CCDC40: variants seen among roughly 807,000 people sequenced by gnomAD.
The protein encoded by CCDC40 is coiled-coil domain 40 molecular ruler complex subunit.
CCDC40 carries 104 observed loss-of-function variants against 124.5 expected under a neutral mutation model. That is an observed-to-expected ratio of 0.84 (90% CI 0.71 to 0.98). The LOEUF is 0.98. CCDC40 is among the 50% of genes least tolerant of loss of function. CCDC40 has a pLI of 0.00. For synonymous variants in CCDC40, 580 were observed against 602.9 expected, an observed-to-expected ratio of 0.96 and a Z score of 0.56; for missense variants, 1,463 against 1,503.9, an observed-to-expected ratio of 0.97 and a Z score of 0.45.
chr17:80,053,280 C>T (rs1049283428), intron 7 of CCDC40, among the ~76,000 whole-genome samples: 34 of 152,206 alleles, frequency 2.2e-4, no homozygotes, highest in African/African-American at 8.2e-4. Context: ...AAAAATGCTG[C>T]AGGCTTCCAG....
intron 9 of CCDC40, among the ~76,000 whole-genome samples, chr17:80,063,149 C>T (rs538663057): frequency 4.6e-5 from 7 of 151,736 alleles, no homozygotes; most frequent in Non-Finnish European, 1.0e-4. Flanking sequence ...GAGCCAAGAT[C>T]GTGCCATTTT....
intron 9 of CCDC40, among the ~76,000 whole-genome samples, chr17:80,059,505 A>C (rs1224939394): frequency 4.2e-5 from 6 of 143,160 alleles, no homozygotes; most frequent in African/African-American, 1.1e-4. Flanking sequence ...AAAAAAAAAA[A>C]AACTATGAGT....
chr17:80,082,498 C>T (rs1351136930), intron 12 of CCDC40, among the ~76,000 whole-genome samples: 1 of 152,104 alleles, frequency 6.6e-6, no homozygotes, highest in African/African-American at 2.4e-5. Context: ...CCCCAACACC[C>T]CGCCTCAAGC....
Position 80,059,488 on chromosome 17 carries a change from TAA to T in CCDC40, c.1440+526_1440+527del, listed in dbSNP as rs538629976. Reference sequence around the variant, plus strand: ...ACCAGAAACCAAAGTTACTGCAACTTAAAAAAAAAAAAAAAAAAACTATGAGT... The same window carrying T: ...ACCAGAAACCAAAGTTACTGCAACTTAAAAAAAAAAAAAAAAACTATGAGT... On this transcript the variant is annotated intron_variant, in intron 9 of 19. Coordinates refer to ENST00000397545, the MANE Select transcript of CCDC40 (RefSeq NM_017950.4). Among the ~76,000 whole-genome samples the T allele has an allele frequency of 9.9e-3, 1,201 of 120,784 alleles. 4 individuals carry two copies. The highest frequency in any genetic ancestry group is 0.014 in the African/African-American group (506 of 34,930). The allele number at this position is 120,784 out of a possible 152,430, so 79.2% of individuals were successfully genotyped here.
At chr17:80,082,792 C>T (rs2038488835) in intron 12 of CCDC40, among the ~76,000 whole-genome samples, 2 of 152,244 alleles carry the variant, frequency 1.3e-5, no homozygotes, top group South Asian at 2.1e-4. Flanking sequence ...GAGCCCCTGT[C>T]TGGGCAGCCC....
rs532292956 is a variant in CCDC40, at chr17:80,046,945, A to G, written c.553-334A>G. On this transcript the variant is annotated intron_variant, in intron 3 of 19. Coordinates refer to ENST00000397545, the MANE Select transcript of CCDC40 (RefSeq NM_017950.4). ...ACTGCAACCTCTGCCTCCCGGGTTC[A>G]AGCAATTCTCCCTCCTCAGCCTCCC... Among the ~76,000 whole-genome samples the G allele has an allele frequency of 2.6e-5, 4 of 152,246 alleles. No homozygotes were observed. In the South Asian group the frequency reaches 8.3e-4, roughly 32 times the overall value.
chr17:80,067,689 C>T, intron 10 of CCDC40: 1 of 1,535,598 alleles, frequency 6.5e-7, no homozygotes, highest in Non-Finnish European at 8.7e-7. Flanking sequence ...CTAACGCTCA[C>T]CAGGATGCTA....
chr17:80,086,025 A>C lies in CCDC40; in HGVS notation c.2258A>C (p.Glu753Ala), dbSNP rs775659055. 1.2e-6 allele frequency: 2 copies of C among 1,613,976 alleles called. No homozygotes were observed. The highest frequency in any genetic ancestry group is 4.5e-5 in the East Asian group (2 of 44,856). Residue 753 changes from glutamate to alanine, a missense_variant, in exon 14 of 20, where the codon GAG (glutamate) becomes GCG (alanine). Glu to Ala is a moderately radical substitution (Grantham distance 107). Coordinates refer to ENST00000397545, the MANE Select transcript of CCDC40 (RefSeq NM_017950.4). This position sits in a 1 kb window ranked among gnomAD's most constrained non-coding sequence, Gnocchi z 5.5. ...TAGGGGGAAGAAGTGGGGCCCCTGG[A>C]GCTTGAAATCAAAAGGCTGAGCAAG... Reference protein sequence around the residue: ...ELGGEEVGPLELEIKRLSKLI... With the variant: ...ELGGEEVGPLALEIKRLSKLI...
At chr17:80,064,761 C>T (rs2037993400) in intron 9 of CCDC40, among the ~76,000 whole-genome samples, 1 of 151,846 alleles carries the variant, frequency 6.6e-6, no homozygotes, top group Non-Finnish European at 1.5e-5. Context: ...AGCCTCCGCT[C>T]AGCCTGCCTG....
chr17:80,089,793 T>C lies in CCDC40; in HGVS notation c.2741T>C (p.Ile914Thr), dbSNP rs564397547. ...CAGATTATGCTTTGGGAGAAAAAAATCCAACTGGCAAAAGAGATGCGTTCC... is the reference window on the plus strand; with the variant it reads ...CAGATTATGCTTTGGGAGAAAAAAACCCAACTGGCAAAAGAGATGCGTTCC... ...EHQIMLWEKK[I>T]QLAKEMRSSV... is the part of the protein sequence containing the mutation. The change falls in exon 17 of 20, where the codon ATC becomes ACC. Residue 914 changes from isoleucine (I) to threonine (T), a missense_variant. Coordinates refer to ENST00000397545, the MANE Select transcript of CCDC40 (RefSeq NM_017950.4). 2.5e-6 allele frequency: 4 copies of C among 1,614,096 alleles called. No individual in the cohort carries two copies. Among genetic ancestry groups the C allele is most frequent in the Non-Finnish European group, 3.4e-6 (4 of 1,180,016 alleles).
intron 10 of CCDC40, among the ~76,000 whole-genome samples, chr17:80,073,066 G>T (rs1483101549): frequency 6.6e-6 from 1 of 152,044 alleles, no homozygotes; most frequent in Admixed American, 6.6e-5. Context: ...GCAGTGGGGC[G>T]ATCTTGGCTC....
In CCDC40 at chr17:80,040,367, T is replaced by C. The variant is rs955177213; in HGVS notation, c.552+97T>C. ...CTTGGGAATACATTATAAATACAAATTGCAATCCCTGTTAGAAATGTCTTA... is the reference window on the plus strand; with the variant it reads ...CTTGGGAATACATTATAAATACAAACTGCAATCCCTGTTAGAAATGTCTTA... On this transcript the variant is annotated intron_variant, in intron 3 of 19. Coordinates refer to ENST00000397545, the MANE Select transcript of CCDC40 (RefSeq NM_017950.4). The C allele has an allele frequency of 1.5e-4, 173 of 1,172,534 alleles. 4 individuals are homozygous for C. In the South Asian group the frequency reaches 2.3e-3, roughly 15 times the overall value. 72.6% of individuals were successfully genotyped at this position (1,172,534 alleles called of 1,614,324 possible).
rs372870872 is a variant in CCDC40 at position 80,099,747 on chromosome 17, A to T, written c.3401A>T (p.Asn1134Ile). Reference sequence around the variant, plus strand: ...CACAAGGTCAGCCAGATGATCGCCAACAAGCTCGAGTCACCAGGGCCCTCC... The same window carrying T: ...CACAAGGTCAGCCAGATGATCGCCATCAAGCTCGAGTCACCAGGGCCCTCC... ...ALHKVSQMIA[N>I]KLESPGPS Residue 1134 changes from asparagine to isoleucine, a missense_variant, in exon 20 of 20, where the codon AAC becomes ATC. Physicochemically the swap from Asn to Ile is moderately radical, Grantham distance 149 (BLOSUM62 -3). Transcript: ENST00000397545. 4.3e-6 allele frequency: 7 copies of T among 1,613,444 alleles called. No individual in the cohort carries two copies. The highest frequency in any genetic ancestry group is 5.9e-6 in the Non-Finnish European group (7 of 1,179,964).
intron 7 of CCDC40, among the ~76,000 whole-genome samples, chr17:80,056,016 A>ATATATATATATATTTTTTTTT (rs71163913): frequency 9.8e-5 from 1 of 10,246 alleles, no homozygotes; most frequent in South Asian, 6.4e-3. Flanking sequence ...ATATATATAT[A>ATATATATATATATTTTTTTTT]TTTTTTTTTT....
intron 7 of CCDC40, among the ~76,000 whole-genome samples, chr17:80,056,008 A>ATTTTTT (rs1242487948): frequency 2.0e-3 from 25 of 12,270 alleles, no homozygotes; most frequent in East Asian, 0.019. Context: ...ATATATATAT[A>ATTTTTT]TATATATATT....
chr17:80,080,454 T>G (rs926916579), intron 10 of CCDC40, among the ~76,000 whole-genome samples: 2 of 152,226 alleles, frequency 1.3e-5, no homozygotes, highest in Non-Finnish European at 2.9e-5. Flanking sequence ...GTTTTAGAGC[T>G]TGACGTTAAT....
rs34444191 is a variant in CCDC40, at chr17:80,045,841, C to CA, written c.553-1424dup. ...TTGCACAAAGATCATCATAACCTTT[C>CA]AAAAAAAAAAAAAACACTTCTGCTA... On this transcript the variant is annotated intron_variant, in intron 3 of 19. Coordinates refer to ENST00000397545, the MANE Select transcript of CCDC40 (RefSeq NM_017950.4). 1.4e-3 allele frequency among the ~76,000 whole-genome samples: 190 copies of CA among 133,058 alleles called. 1 individual carries two copies. Among genetic ancestry groups the CA allele is most frequent in the Admixed American group, 2.3e-3 (29 of 12,700 alleles). 87.3% of individuals were successfully genotyped at this position (133,058 alleles called of 152,430 possible).
intron 2 of CCDC40, among the ~76,000 whole-genome samples, chr17:80,039,085 G>A (rs1477598483): frequency 6.6e-6 from 1 of 150,670 alleles, no homozygotes; most frequent in Admixed American, 6.6e-5. Context: ...AAGCAGAGAG[G>A]GCCAGGCATG....
At chr17:80,044,979 G>C (rs1162223151) in intron 3 of CCDC40, among the ~76,000 whole-genome samples, 2 of 152,108 alleles carry the variant, frequency 1.3e-5, no homozygotes, top group African/African-American at 4.8e-5. Flanking sequence ...TTGTGCACAC[G>C]GACACCCGGA....
Sources: gnomAD v4.1 joint callset for allele counts (sites outside exome capture counted in the v4.1 genomes callset) on GRCh38, gnomAD v4.1.1 for gene constraint, Gnocchi (gnomAD v3.1) non-coding constraint, MANE v1.5 for transcripts, NCBI Gene and HGNC (gene_info 2026-07-23, HGNC 2026-07-21) for gene names.